The following NBEAL1 variants were observed in gnomAD, a reference collection of about 807,000 sequenced individuals.
NBEAL1 encodes the protein neurobeachin like 1, also known as neurobeachin-like protein 1.
Under a neutral mutation model 351.3 loss-of-function variants are expected in NBEAL1, and 273 were observed. The observed-to-expected ratio is 0.78, with a 90% CI of 0.70 to 0.86. The LOEUF (loss-of-function observed/expected upper bound fraction) is 0.86, where lower values mean the gene tolerates loss of function less well. Ranked by LOEUF, NBEAL1 falls within the 40% of genes least tolerant of loss-of-function variation. The pLI, the probability that NBEAL1 is intolerant of heterozygous loss-of-function variation, is 0.00. For missense variants in NBEAL1, 2,961 were observed against 3,201.3 expected, an observed-to-expected ratio of 0.92 and a Z score of 1.81; for synonymous variants, 1,050 against 1,086.4, an observed-to-expected ratio of 0.97 and a Z score of 0.66.
chr2:203,055,522 A>C (rs1323603790), intron 4 of NBEAL1, among the ~76,000 whole-genome samples: 1 of 152,070 alleles, frequency 6.6e-6, no homozygotes, highest in Non-Finnish European at 1.5e-5. Context: ...GGAGGATTGC[A>C]TGAGCCCAAG....
At chr2:203,136,892 A>G in intron 29 of NBEAL1, 118 bp downstream of exon 29, 1 of 902,190 alleles carries the variant, frequency 1.1e-6, no homozygotes, top group East Asian at 2.5e-5. Context: ...AGAAAAAGAG[A>G]AACTTTGTGC....
chr2:203,099,302 A>T (rs555816945), intron 11 of NBEAL1, among the ~76,000 whole-genome samples: 38 of 151,220 alleles, frequency 2.5e-4, no homozygotes, highest in African/African-American at 9.0e-4. Flanking sequence ...AAGTAATAGG[A>T]TTTCCAATGA....
chr2:203,026,227 C>A (rs931880086), intron 2 of NBEAL1, among the ~76,000 whole-genome samples: 1 of 152,038 alleles, frequency 6.6e-6, no homozygotes, highest in African/African-American at 2.4e-5. Context: ...TTGTGTATAA[C>A]CACTTTAAAT....
At chr2:203,171,819 T>A (rs2064327485) in intron 39 of NBEAL1, 109 bp from the exon 40 acceptor site, 4 of 451,400 alleles carry the variant, frequency 8.9e-6, no homozygotes, top group Non-Finnish European at 1.5e-5. Context: ...CTCCCTGTTG[T>A]ACCTTTTTTT....
chr2:203,071,032 A>G (rs1254162101), intron 7 of NBEAL1, among the ~76,000 whole-genome samples: 2 of 152,356 alleles, frequency 1.3e-5, no homozygotes, highest in Middle Eastern at 3.4e-3. Flanking sequence ...CCAAAGTGCT[A>G]GGATTATAGT....
chr2:203,167,456 C>T (rs1383369399), intron 38 of NBEAL1, 96 bp downstream of exon 38: 12 of 1,238,052 alleles, frequency 9.7e-6, no homozygotes, highest in Non-Finnish European at 1.3e-5. Context: ...ATTCTTTTAT[C>T]AAGACAAAAT....
chr2:203,147,592 G>A (rs951175851), intron 33 of NBEAL1, among the ~76,000 whole-genome samples: 1 of 152,046 alleles, frequency 6.6e-6, no homozygotes, highest in African/African-American at 2.4e-5. Flanking sequence ...ATTTTAAGGT[G>A]TATATATTTG....
chr2:203,214,435 CT>C (rs1190020646), intron 55 of NBEAL1, among the ~76,000 whole-genome samples: 1 of 151,836 alleles, frequency 6.6e-6, no homozygotes, highest in Non-Finnish European at 1.5e-5. Flanking sequence ...AGTCCTTATG[CT>C]TTTTTTCAGC....
chr2:203,217,195 CTTTTT>C (rs565600988), intron 55 of NBEAL1, 53 bp from the exon 56 acceptor site: 93 of 1,302,292 alleles, frequency 7.1e-5, no homozygotes, highest in Non-Finnish European at 8.9e-5. Context: ...TCTTACATAT[CTTTTT>C]TTTAATTTTT....
intron 47 of NBEAL1, among the ~76,000 whole-genome samples, chr2:203,194,772 G>A (rs1177223090): frequency 6.6e-6 from 1 of 152,112 alleles, no homozygotes; most frequent in Non-Finnish European, 1.5e-5. Flanking sequence ...CCCACAGGCT[G>A]TAGTTTGTAA....
chr2:203,122,222 G>T, intron 18 of NBEAL1, 32 bp from the exon 19 acceptor site: 4 of 1,217,728 alleles, frequency 3.3e-6, no homozygotes, highest in South Asian at 1.4e-5. Flanking sequence ...TGTTCTAATT[G>T]GTTGTTTGCC....
rs956299428 is a variant in NBEAL1 at position 203,079,328 on chromosome 2, C to T, written c.684+1491C>T. The stretch of plus-strand genomic sequence containing the variant: ...CAATTCGTGGCTCAAGCAACCTGCC[C>T]ACTTCAGACTCCCAAAGTGCTAGGA... On this transcript the variant is annotated intron_variant, in intron 8 of 55. Transcript: ENST00000683969. Among the ~76,000 whole-genome samples the T allele has an allele frequency of 2.0e-5, 3 of 152,242 alleles. No homozygotes were observed. The South Asian group carries it at 6.2e-4, about 32-fold the overall frequency.
chr2:203,200,097 G>A (rs1436286902), intron 49 of NBEAL1, among the ~76,000 whole-genome samples: 1 of 152,176 alleles, frequency 6.6e-6, no homozygotes, highest in African/African-American at 2.4e-5. Context: ...TCACATTCAT[G>A]GCTGGGCACA....
rs538953028 is a variant in NBEAL1, at chr2:203,207,974, G to A, written c.7507-663G>A. 2.0e-4 allele frequency among the ~76,000 whole-genome samples: 31 copies of A among 152,202 alleles called. No homozygotes were observed. The South Asian group carries it at 4.6e-3, about 22-fold the overall frequency. On this transcript the variant is annotated intron_variant, in intron 51 of 55. Transcript: ENST00000683969. ...AGATAATTGATGTCCCTGAAGCAGC[G>A]ATCCCAATAAATGGAAAAATTATTC...
At chr2:203,174,816 A>G (rs556712295) in intron 41 of NBEAL1, among the ~76,000 whole-genome samples, 1 of 151,882 alleles carries the variant, frequency 6.6e-6, no homozygotes, top group Admixed American at 6.6e-5. Flanking sequence ...ATGTGAACCC[A>G]GGAGGCGGAG....
At chr2:203,137,283 A>AT (rs954840021) in intron 29 of NBEAL1, among the ~76,000 whole-genome samples, 21 of 152,138 alleles carry the variant, frequency 1.4e-4, no homozygotes, top group Admixed American at 5.2e-4. Flanking sequence ...TTTTTTTGTG[A>AT]TTTTTTTAAG....
rs148318500 is a variant in NBEAL1 at position 203,117,928 on chromosome 2, A to G, written c.2592+1858A>G. Among the ~76,000 whole-genome samples, 400 of 152,034 alleles carry G rather than the reference A, an allele frequency of 2.6e-3. 6 individuals carry two copies. Among genetic ancestry groups the G allele is most frequent in the East Asian group, 3.9e-3 (20 of 5,168 alleles). Reference sequence around the variant, plus strand: ...AGTCTTGAATTCCTGGGCTCAAGCAATTCTTCCACTTCAGCTTCGCGAAGT... The same window carrying G: ...AGTCTTGAATTCCTGGGCTCAAGCAGTTCTTCCACTTCAGCTTCGCGAAGT... On this transcript the variant is annotated intron_variant, in intron 18 of 55. Transcript: ENST00000683969.
At chr2:203,183,449 G>T in intron 44 of NBEAL1, 61 bp downstream of exon 44, 2 of 933,992 alleles carry the variant, frequency 2.1e-6, no homozygotes, top group Non-Finnish European at 3.3e-6. Flanking sequence ...GTTTTCCAGA[G>T]GATGGGATAA....
chr2:203,126,325 A>T (rs930194023), intron 21 of NBEAL1, among the ~76,000 whole-genome samples: 1 of 152,172 alleles, frequency 6.6e-6, no homozygotes, highest in African/African-American at 2.4e-5. Flanking sequence ...ACCTTGTTTG[A>T]TAGCTTTGAT....
Sources: gnomAD v4.1 joint callset for allele counts (sites outside exome capture counted in the v4.1 genomes callset) on GRCh38, gnomAD v4.1.1 for gene constraint, MANE v1.5 for transcripts, NCBI Gene and HGNC (gene_info 2026-07-23, HGNC 2026-07-21) for gene names.